The following SPHKAP variants were observed in gnomAD, a reference collection of about 807,000 sequenced individuals.
SPHKAP encodes the protein SPHK1 interactor, AKAP domain containing.
In SPHKAP, 67 loss-of-function variants were observed where a neutral mutation model predicts 137.5. The ratio of observed to expected loss-of-function variants is 0.49; its 90% CI spans 0.40 to 0.60. The LOEUF is 0.60. Among genes scored for constraint, SPHKAP ranks in the 20% least tolerant of loss-of-function variants. The pLI is 0.00. For missense variants in SPHKAP, 2,097 were observed against 2,069.3 expected, an observed-to-expected ratio of 1.01 and a Z score of -0.26; for synonymous variants, 813 against 785.3, an observed-to-expected ratio of 1.04 and a Z score of -0.59.
chr2:228,002,616 G>A (rs1014908173), intron 7 of SPHKAP, among the ~76,000 whole-genome samples: 8 of 152,262 alleles, frequency 5.3e-5, no homozygotes, highest in African/African-American at 1.7e-4. Context: ...CATTGCTTTT[G>A]GTGTTTTAGA....
chr2:228,145,500 G>C (rs79215368), intron 1 of SPHKAP, among the ~76,000 whole-genome samples: 1 of 152,082 alleles, frequency 6.6e-6, no homozygotes, highest in Non-Finnish European at 1.5e-5. Flanking sequence ...AGCTTGCCCA[G>C]GTGATTTTGG....
chr2:228,150,667 C>T (rs1016497045), intron 1 of SPHKAP, among the ~76,000 whole-genome samples: 1 of 151,346 alleles, frequency 6.6e-6, no homozygotes, highest in African/African-American at 2.4e-5. Flanking sequence ...TTCTACCCCT[C>T]TTTTAAAATT....
intron 7 of SPHKAP, among the ~76,000 whole-genome samples, chr2:228,010,582 A>G (rs929844339): frequency 2.6e-5 from 4 of 152,182 alleles, no homozygotes; most frequent in African/African-American, 9.7e-5. Context: ...TTGAGTTTCA[A>G]TAACTTCATT....
At chr2:228,028,810 C>A (rs1695165429) in intron 3 of SPHKAP, among the ~76,000 whole-genome samples, 1 of 152,128 alleles carries the variant, frequency 6.6e-6, no homozygotes, top group East Asian at 1.9e-4. Flanking sequence ...CATAACATGT[C>A]CCTAACAGTA....
intron 2 of SPHKAP, among the ~76,000 whole-genome samples, chr2:228,117,273 G>A (rs1698742130): frequency 6.6e-6 from 1 of 152,114 alleles, no homozygotes; most frequent in Non-Finnish European, 1.5e-5. Flanking sequence ...TTTGGACGGT[G>A]TGATGTTAAC....
chr2:227,992,856 T>G (rs969770972), intron 9 of SPHKAP, among the ~76,000 whole-genome samples: 1 of 152,192 alleles, frequency 6.6e-6, no homozygotes, highest in African/African-American at 2.4e-5. Context: ...CTCCAAATCA[T>G]AAGCTAAATC....
At chr2:227,985,549 T>C (rs954198628) in intron 11 of SPHKAP, among the ~76,000 whole-genome samples, 1 of 152,204 alleles carries the variant, frequency 6.6e-6, no homozygotes, top group Non-Finnish European at 1.5e-5. Context: ...AGTTTTTCTT[T>C]CCGCTGCATT....
At chr2:228,103,037 A>T (rs1698226041) in intron 3 of SPHKAP, among the ~76,000 whole-genome samples, 1 of 152,038 alleles carries the variant, frequency 6.6e-6, no homozygotes, top group Non-Finnish European at 1.5e-5. Context: ...GAGCCACCGC[A>T]CCAGGCCCCA....
At chr2:228,020,280 C>T in intron 6 of SPHKAP, 124 bp from the exon 7 acceptor site, 2 of 1,347,986 alleles carry the variant, frequency 1.5e-6, no homozygotes, top group South Asian at 1.5e-5. Flanking sequence ...ATGTTTATTG[C>T]AGCACTATTC....
intron 3 of SPHKAP, among the ~76,000 whole-genome samples, chr2:228,099,580 A>G (rs555892523): frequency 1.3e-5 from 2 of 152,252 alleles, no homozygotes; most frequent in East Asian, 3.9e-4. Context: ...TGATAATTTG[A>G]TAAGAGTAAC....
At chr2:228,110,333 A>G (rs1698479454) in intron 2 of SPHKAP, among the ~76,000 whole-genome samples, 1 of 151,988 alleles carries the variant, frequency 6.6e-6, no homozygotes, top group African/African-American at 2.4e-5. Flanking sequence ...TTATAATAAT[A>G]TAAAATATAA....
chr2:228,155,452 A>T (rs188523084), intron 1 of SPHKAP, among the ~76,000 whole-genome samples: 2 of 152,334 alleles, frequency 1.3e-5, no homozygotes, highest in East Asian at 3.9e-4. Flanking sequence ...CGGATATGAT[A>T]TAAGTATGTG....
intron 1 of SPHKAP, among the ~76,000 whole-genome samples, chr2:228,136,200 G>T (rs1699435858): frequency 6.6e-6 from 1 of 152,162 alleles, no homozygotes; most frequent in Non-Finnish European, 1.5e-5. Flanking sequence ...CTCCTAATGG[G>T]TAAGCCGGCA....
intron 1 of SPHKAP, among the ~76,000 whole-genome samples, chr2:228,158,983 T>C (rs1700193183): frequency 6.6e-6 from 1 of 152,160 alleles, no homozygotes; most frequent in African/African-American, 2.4e-5. Flanking sequence ...TATCACTGAA[T>C]GGATTCAGTC....
chr2:228,016,458 G>A lies in SPHKAP; in HGVS notation c.4396C>T (p.Pro1466Ser), dbSNP rs765896167. The change falls in exon 7 of 12, where the codon CCA becomes TCA. Residue 1466 changes from proline (P) to serine (S), a missense_variant. Physicochemically the swap from Pro to Ser is moderately conservative, Grantham distance 74. Transcript: ENST00000392056. ...GTGTCTCCACCTCTCACCACATCTG[G>A]GATGTTTTTGTCATTCGAATGCCCT... The part of the protein sequence containing the change: ...AEGHSNDKNI[P>S]DVVRGGDTAV... 5 of 1,611,950 alleles carry A rather than the reference G, an allele frequency of 3.1e-6. No homozygotes were observed. In the South Asian group the frequency reaches 3.3e-5, roughly 11 times the overall value.
At chr2:228,168,992 C>G (rs767905657) in intron 1 of SPHKAP, among the ~76,000 whole-genome samples, 2 of 152,200 alleles carry the variant, frequency 1.3e-5, no homozygotes, top group Admixed American at 6.6e-5. Context: ...CCACAACATT[C>G]CCTTAAGGCA....
intron 11 of SPHKAP, among the ~76,000 whole-genome samples, chr2:227,983,011 T>A (rs192884427): frequency 6.6e-6 from 1 of 152,316 alleles, no homozygotes; most frequent in African/African-American, 2.4e-5. Context: ...GCTGGAAATT[T>A]GGCATTGTTT....
In SPHKAP at chr2:228,018,537, G is replaced by A; in HGVS notation, c.2317C>T (p.Pro773Ser). The A allele has an allele frequency of 6.2e-7, 1 of 1,614,062 alleles. No individual in the cohort carries two copies. Among genetic ancestry groups the A allele is most frequent in the Non-Finnish European group, 8.5e-7 (1 of 1,179,964 alleles). ...TKATESSSSS[P>S]LSNSHNTSLV... ...CTCGTGTTGTGTGAATTGCTAAGTG[G>A]AGAGCTGCTGGAGGATTCAGTGGCT... is the stretch of plus-strand genomic sequence containing the variant. The change falls in exon 7 of 12, where the codon CCA becomes TCA. Residue 773 changes from proline to serine, a missense_variant. Coordinates refer to ENST00000392056, the MANE Select transcript of SPHKAP (RefSeq NM_001142644.2).
chr2:228,081,614 T>C (rs1245993027), intron 3 of SPHKAP, among the ~76,000 whole-genome samples: 2 of 152,142 alleles, frequency 1.3e-5, no homozygotes, highest in Non-Finnish European at 2.9e-5. Context: ...CTACTCAGCC[T>C]TAAAGAAAGA....
Sources: gnomAD v4.1 joint callset for allele counts (sites outside exome capture counted in the v4.1 genomes callset) on GRCh38, gnomAD v4.1.1 for gene constraint, MANE v1.5 for transcripts, NCBI Gene and HGNC (gene_info 2026-07-23, HGNC 2026-07-21) for gene names.